The following SNRPN variants were observed in gnomAD, a reference collection of about 807,000 sequenced individuals.
The protein encoded by SNRPN is small nuclear ribonucleoprotein polypeptide N.
In SNRPN, 7 loss-of-function variants were observed where a neutral mutation model predicts 25.2. The observed-to-expected ratio is 0.28, with a 90% CI of 0.16 to 0.52. The LOEUF is 0.52. Among genes scored for constraint, SNRPN ranks in the 20% least tolerant of loss-of-function variants. The pLI is 0.96. For synonymous variants in SNRPN, 124 were observed against 110.6 expected, an observed-to-expected ratio of 1.12 and a Z score of -0.76; for missense variants, 196 against 322.5, an observed-to-expected ratio of 0.61 and a Z score of 3.00.
chr15:24,961,975 T>C lies in SNRPN; in HGVS notation c.-390-139T>C, dbSNP rs1055118076. ...ATTATGACTGTTTGAAGGTTAAAGATCTTGTAATAATTTTACCTTGTTTTA... is the reference window on the plus strand; with the variant it reads ...ATTATGACTGTTTGAAGGTTAAAGACCTTGTAATAATTTTACCTTGTTTTA... On this transcript the variant is annotated intron_variant, in intron 1 of 9. Coordinates refer to ENST00000390687, the MANE Select transcript of SNRPN (RefSeq NM_003097.6). 52 of 811,334 alleles carry C rather than the reference T, an allele frequency of 6.4e-5. No individual in the cohort carries two copies. In the South Asian group the frequency reaches 7.3e-4, roughly 11 times the overall value. 50.3% of individuals were successfully genotyped at this position (811,334 alleles called of 1,614,324 possible).
chr15:24,930,108 C>A (rs1192067890), intron 3 of SNRPN, among the ~76,000 whole-genome samples: 1 of 151,136 alleles, frequency 6.6e-6, no homozygotes, highest in African/African-American at 2.4e-5. Context: ...TGTGCCACTG[C>A]ACTCCAGCCT....
At chr15:24,918,584 CATAAT>C (rs1398798986) in intron 2 of SNRPN, among the ~76,000 whole-genome samples, 47 of 79,780 alleles carry the variant, frequency 5.9e-4, no homozygotes, top group South Asian at 8.3e-4. Flanking sequence ...ATATATATAA[CATAAT>C]ATATATGTAT....
At chr15:24,978,373 C>CATA (rs2077307202) in intron 9 of SNRPN, 34 bp from the exon 10 acceptor site, 2 of 1,613,906 alleles carry the variant, frequency 1.2e-6, no homozygotes, top group East Asian at 4.5e-5. Flanking sequence ...ATATGTGTAT[C>CATA]CTCTTTTTCT....
chr15:24,883,736 G>T (rs188901383), intron 1 of SNRPN, among the ~76,000 whole-genome samples: 1 of 152,204 alleles, frequency 6.6e-6, no homozygotes, highest in East Asian at 1.9e-4. Context: ...CTGAAGCTGG[G>T]CACAGTGGCT....
intron 2 of SNRPN, among the ~76,000 whole-genome samples, chr15:24,832,525 A>G (rs1248314634): frequency 3.3e-5 from 5 of 152,088 alleles, no homozygotes; most frequent in African/African-American, 1.2e-4. Context: ...GAGGATTGAA[A>G]AAAGGGCACT....
chr15:24,851,068 A>T (rs1397352376), intron 2 of SNRPN: 1 of 152,096 alleles, frequency 6.6e-6, no homozygotes, highest in Non-Finnish European at 1.5e-5. Flanking sequence ...CCACAGGCAT[A>T]TGCCACCAAG....
intron 2 of SNRPN, chr15:24,909,383 T>C (rs768879591): frequency 1.8e-4 from 285 of 1,600,158 alleles, no homozygotes; most frequent in Non-Finnish European, 2.2e-4. Context: ...AAGGCCTGCA[T>C]CCAAATAGCA....
At chr15:24,904,017 C>CTACAAAGCAAA (rs1469787094) in intron 2 of SNRPN, among the ~76,000 whole-genome samples, 345 of 146,208 alleles carry the variant, frequency 2.4e-3, no homozygotes, top group African/African-American at 8.5e-3. Context: ...CCAGCCTGGG[C>CTACAAAGCAAA]TACAAAGCAA....
intron 1 of SNRPN, among the ~76,000 whole-genome samples, chr15:24,825,091 T>C (rs1006940425): frequency 2.0e-5 from 3 of 151,992 alleles, no homozygotes; most frequent in African/African-American, 7.3e-5. Flanking sequence ...ACCAAGAGCA[T>C]TGATAGTTTA....
intron 2 of SNRPN, among the ~76,000 whole-genome samples, chr15:24,906,820 T>C (rs1051542639): frequency 1.3e-5 from 2 of 152,184 alleles, no homozygotes; most frequent in African/African-American, 4.8e-5. Flanking sequence ...ATCTAGAAGT[T>C]GTCATCCAGT....
chr15:24,848,097 C>A (rs1484714544), intron 2 of SNRPN, among the ~76,000 whole-genome samples: 1 of 151,942 alleles, frequency 6.6e-6, no homozygotes, highest in African/African-American at 2.4e-5. Flanking sequence ...CGATTCTGAG[C>A]GGTGCCTCAC....
intron 3 of SNRPN, among the ~76,000 whole-genome samples, chr15:24,939,836 C>G (rs2061445470): frequency 6.7e-6 from 1 of 148,656 alleles, no homozygotes; most frequent in Non-Finnish European, 1.5e-5. Context: ...ATCGCTCAGG[C>G]TGGAGTACAA....
chr15:24,935,863 A>C (rs1318043972), intron 3 of SNRPN, among the ~76,000 whole-genome samples: 2 of 152,142 alleles, frequency 1.3e-5, no homozygotes, highest in Non-Finnish European at 2.9e-5. Context: ...TCACCCCTGT[A>C]ATCCCAGTAC....
At chr15:24,829,572 T>C (rs2050355929) in intron 1 of SNRPN, among the ~76,000 whole-genome samples, 1 of 151,976 alleles carries the variant, frequency 6.6e-6, no homozygotes, top group South Asian at 2.1e-4. Flanking sequence ...CAGGGGCCGC[T>C]CTCTGAGGAC....
chr15:24,918,677 T>C lies in SNRPN; in HGVS notation c.-504-1334T>C, dbSNP rs62652904. ...ATATATATAACATAATATATATGTG[T>C]GCATATATATAACATAATATATATG... On this transcript the variant is annotated intron_variant, in intron 2 of 11. Coordinates refer to the SNRPN transcript ENST00000400097. Among the ~76,000 whole-genome samples, 129 of 99,098 alleles carry C rather than the reference T, an allele frequency of 1.3e-3. 8 individuals carry two copies. Among genetic ancestry groups the C allele is most frequent in the East Asian group, 3.6e-3 (13 of 3,600 alleles). The allele number at this position is 99,098 out of a possible 152,430, so 65.0% of individuals were successfully genotyped here.
chr15:24,909,842 C>A, intron 2 of SNRPN: 1 of 980,106 alleles, frequency 1.0e-6, no homozygotes, highest in South Asian at 1.3e-5. Flanking sequence ...GAACAGAGAC[C>A]CGCGTCCACA....
At chr15:24,884,983 T>C (rs1432839379) in intron 1 of SNRPN, among the ~76,000 whole-genome samples, 1 of 151,782 alleles carries the variant, frequency 6.6e-6, no homozygotes, top group Non-Finnish European at 1.5e-5. Flanking sequence ...TGTATTTAAG[T>C]TTTTTTTATG....
intron 1 of SNRPN, among the ~76,000 whole-genome samples, chr15:24,828,731 AG>A (rs2050275702): frequency 6.6e-6 from 1 of 152,128 alleles, no homozygotes; most frequent in Admixed American, 6.5e-5. Context: ...TCTCTAAAAA[AG>A]TAAATAACTA....
chr15:24,958,888 TTTTA>T (rs1325651284), intron 1 of SNRPN: 1 of 153,998 alleles, frequency 6.5e-6, no homozygotes, highest in African/African-American at 2.4e-5. Flanking sequence ...CCAGCTAACT[TTTTA>T]TTTTTTTGTA....
Sources: allele counts gnomAD v4.1 joint callset (sites outside exome capture counted in the v4.1 genomes callset), GRCh38; gene constraint gnomAD v4.1.1; transcripts MANE v1.5; gene names NCBI Gene and HGNC (gene_info 2026-07-23, HGNC 2026-07-21).